HDAC9: variants seen among roughly 807,000 people sequenced by gnomAD.
HDAC9 encodes histone deacetylase 9.
A neutral mutation model predicts 139.4 loss-of-function variants in HDAC9; 41 were observed. The observed-to-expected ratio is 0.29, with a 90% CI of 0.23 to 0.38. The LOEUF (loss-of-function observed/expected upper bound fraction) is 0.38. HDAC9 is among the 10% of genes least tolerant of loss of function. The pLI is 1.00. For synonymous variants in HDAC9, 517 were observed against 476.2 expected, an observed-to-expected ratio of 1.09 and a Z score of -1.12; for missense variants, 1,147 against 1,297.0, an observed-to-expected ratio of 0.88 and a Z score of 1.78.
chr7:18,568,026 GTATATATATATA>G lies in HDAC9; in HGVS notation c.23-17239_23-17228del, dbSNP rs36203178. 3.1e-3 allele frequency among the ~76,000 whole-genome samples: 393 copies of G among 126,820 alleles called. 10 individuals are homozygous for G. The highest frequency in any genetic ancestry group is 9.2e-3 in the Admixed American group (114 of 12,408). The allele number at this position is 126,820 out of a possible 152,430, so 83.2% of individuals were successfully genotyped here. A position where few individuals can be genotyped will look rare whatever the true frequency, so the allele number is the denominator to read the frequency against. On this transcript the variant is annotated intron_variant, in intron 2 of 25. Coordinates refer to ENST00000686413, the MANE Select transcript of HDAC9 (RefSeq NM_178425.4). ...TTATACATACAGGATATATGTATAT[GTATATATATATA>G]TATATATATATATATGTAAGCTTAG...
At chr7:18,803,535 G>A (rs1793473261) in intron 17 of HDAC9, among the ~76,000 whole-genome samples, 1 of 151,956 alleles carries the variant, frequency 6.6e-6, no homozygotes, top group African/African-American at 2.4e-5. Flanking sequence ...CCTCATTCTT[G>A]AAAGACAGCT....
intron 16 of HDAC9, among the ~76,000 whole-genome samples, chr7:18,785,615 G>A (rs1055000571): frequency 1.1e-4 from 17 of 152,138 alleles, no homozygotes; most frequent in East Asian, 5.8e-4. Context: ...TTTCAATACC[G>A]TGAAAGAAAA....
intron 21 of HDAC9, among the ~76,000 whole-genome samples, chr7:18,847,223 C>T (rs1796968309): frequency 6.6e-6 from 1 of 152,170 alleles, no homozygotes; most frequent in Admixed American, 6.5e-5. Flanking sequence ...TTGAGGTAGT[C>T]AGATCATTTA....
chr7:18,485,848 C>G (rs1795934543), intron 1 of HDAC9, among the ~76,000 whole-genome samples: 2 of 152,142 alleles, frequency 1.3e-5, no homozygotes, highest in African/African-American at 4.8e-5. Flanking sequence ...AAATTCATAT[C>G]AAATTCTGTC....
At chr7:18,457,900 A>G (rs188798813) in intron 1 of HDAC9, among the ~76,000 whole-genome samples, 1 of 152,274 alleles carries the variant, frequency 6.6e-6, no homozygotes, top group East Asian at 1.9e-4. Flanking sequence ...GAGAGTCTGC[A>G]TGTGTTCCCA....
At chr7:18,180,357 G>A (rs1789323453) in intron 2 of HDAC9, among the ~76,000 whole-genome samples, 1 of 151,456 alleles carries the variant, frequency 6.6e-6, no homozygotes, top group Non-Finnish European at 1.5e-5. Context: ...GTTTCTTTCT[G>A]GACCTTGTGC....
intron 2 of HDAC9, among the ~76,000 whole-genome samples, chr7:18,550,388 T>A (rs762570202): frequency 5.3e-5 from 8 of 152,210 alleles, no homozygotes; most frequent in African/African-American, 9.7e-5. Context: ...AAATATTTAA[T>A]GAGTGTTTAG....
intron 6 of HDAC9, among the ~76,000 whole-genome samples, chr7:18,598,094 AAC>A (rs1344702280): frequency 2.0e-5 from 3 of 152,164 alleles, no homozygotes; most frequent in Non-Finnish European, 4.4e-5. Context: ...TATAATAAAA[AAC>A]ACAATAATTA....
At chr7:18,824,899 C>T (rs1206547504) in intron 17 of HDAC9, among the ~76,000 whole-genome samples, 1 of 151,866 alleles carries the variant, frequency 6.6e-6, no homozygotes, top group Non-Finnish European at 1.5e-5. Context: ...TAACTGCATA[C>T]ATTTGAGTGA....
At chr7:18,628,802 G>C (rs1018033530) in intron 6 of HDAC9, among the ~76,000 whole-genome samples, 4 of 152,120 alleles carry the variant, frequency 2.6e-5, no homozygotes, top group African/African-American at 9.7e-5. Flanking sequence ...TCATTACACT[G>C]AGTATGTTTC....
chr7:18,930,629 T>A (rs963368187), intron 22 of HDAC9, among the ~76,000 whole-genome samples: 1 of 147,920 alleles, frequency 6.8e-6, no homozygotes, highest in Non-Finnish European at 1.5e-5. Flanking sequence ...TAAAAAAAAA[T>A]ACTGAATTGC....
chr7:18,744,012 G>GGTTTTTTTTTTTT (rs1787701197), intron 13 of HDAC9, among the ~76,000 whole-genome samples: 1 of 110,448 alleles, frequency 9.1e-6, no homozygotes. Context: ...TTTACTACTA[G>GGTTTTTTTTTTTT]TTTTTTTTTT....
intron 2 of HDAC9, among the ~76,000 whole-genome samples, chr7:18,499,000 A>G (rs1797680165): frequency 6.6e-6 from 1 of 151,936 alleles, no homozygotes; most frequent in African/African-American, 2.4e-5. Flanking sequence ...TAAATCAACT[A>G]TTTATTTTGT....
intron 1 of HDAC9, among the ~76,000 whole-genome samples, chr7:18,347,430 C>G (rs2128669067): frequency 6.6e-6 from 1 of 152,200 alleles, no homozygotes; most frequent in East Asian, 1.9e-4. Context: ...AGTTTTAATA[C>G]TAGAACATCC....
chr7:18,107,933 T>C (rs1373551799), intron 1 of HDAC9, among the ~76,000 whole-genome samples: 1 of 152,228 alleles, frequency 6.6e-6, no homozygotes, highest in South Asian at 2.1e-4. Context: ...ACCCTATATG[T>C]CTTATTTGGG....
intron 1 of HDAC9, among the ~76,000 whole-genome samples, chr7:18,149,368 T>G (rs927354965): frequency 2.0e-5 from 3 of 147,880 alleles, no homozygotes; most frequent in African/African-American, 7.3e-5. Flanking sequence ...TTTTTTTTTT[T>G]GTTTAGAGTC....
intron 2 of HDAC9, chr7:18,509,417 G>C (rs775994441): frequency 2.0e-6 from 2 of 985,342 alleles, no homozygotes; most frequent in African/African-American, 1.7e-5. Context: ...AACGTGCTTT[G>C]TGGATTCACA....
At chr7:18,918,985 CAA>C (rs1274858707) in intron 22 of HDAC9, among the ~76,000 whole-genome samples, 2 of 151,956 alleles carry the variant, frequency 1.3e-5, no homozygotes. Flanking sequence ...CTGTGCAAAT[CAA>C]GTCTTTGCCC....
intron 12 of HDAC9, among the ~76,000 whole-genome samples, chr7:18,708,561 TAG>T (rs1474552717): frequency 6.6e-6 from 1 of 151,968 alleles, no homozygotes; most frequent in Non-Finnish European, 1.5e-5. Context: ...TAATAAACAA[TAG>T]AGTTTGTACT....
Sources: gnomAD v4.1 joint callset for allele counts (sites outside exome capture counted in the v4.1 genomes callset) on GRCh38, gnomAD v4.1.1 for gene constraint, MANE v1.5 for transcripts, NCBI Gene and HGNC (gene_info 2026-07-23, HGNC 2026-07-21) for gene names.